Variants in ZNF385D observed in about 807,000 individuals in gnomAD.
The protein encoded by ZNF385D is zinc finger protein 659.
ZNF385D carries 15 observed loss-of-function variants against 35.8 expected under a neutral mutation model. That is an observed-to-expected ratio of 0.42 (90% CI 0.28 to 0.64). ZNF385D has a LOEUF of 0.64. ZNF385D is among the 30% of genes least tolerant of loss of function. The probability of loss-of-function intolerance (pLI) is 0.23; values close to 1 mark genes in which losing one functional copy is unlikely to be tolerated. For synonymous variants in ZNF385D, 212 were observed against 186.8 expected (o/e 1.13, Z -1.10); for missense variants, 474 against 494.6 (o/e 0.96, Z 0.39).
chr3:21,968,907 C>G (rs1305420283), intron 3 of ZNF385D, among the ~76,000 whole-genome samples: 1 of 152,160 alleles, frequency 6.6e-6, no homozygotes, highest in Non-Finnish European at 1.5e-5. Flanking sequence ...TGTGGAGTAC[C>G]AAGTGTTTAC....
At position 22,286,801 on chromosome 3, in the gene ZNF385D, T is replaced by C. The variant is rs561780298; in HGVS notation, c.106+85649A>G. ...ACTTGTTTTGTGGCTTAACATATGATCTTTTCTGAAGAATCATCCACGTGC... is the reference window on the plus strand; with the variant it reads ...ACTTGTTTTGTGGCTTAACATATGACCTTTTCTGAAGAATCATCCACGTGC... On this transcript the variant is annotated intron_variant, in intron 2 of 5. Transcript: ENST00000494108. Among the ~76,000 whole-genome samples, 6 of 152,248 alleles carry C rather than the reference T, an allele frequency of 3.9e-5. No homozygotes were observed. The East Asian group carries it at 1.2e-3, about 29-fold the overall frequency.
In ZNF385D at chr3:21,796,673, A is replaced by T. The variant is rs181285997; in HGVS notation, c.326-131645T>A. Among the ~76,000 whole-genome samples, 214 of 152,368 alleles carry T rather than the reference A, an allele frequency of 1.4e-3. 1 individual carries two copies. The highest frequency in any genetic ancestry group is 4.9e-3 in the African/African-American group (204 of 41,590). Reference sequence around the variant, plus strand: ...CAAAACTATAAAAATCATGGAAGGTAACACAGGAACACATCTACATGACAT... The same window carrying T: ...CAAAACTATAAAAATCATGGAAGGTTACACAGGAACACATCTACATGACAT... On this transcript the variant is annotated intron_variant, in intron 3 of 5. Transcript: ENST00000494108.
intron 1 of ZNF385D, among the ~76,000 whole-genome samples, chr3:21,674,785 C>T (rs2066673857): frequency 1.3e-5 from 2 of 151,976 alleles, no homozygotes; most frequent in Non-Finnish European, 2.9e-5. Flanking sequence ...TATCTGTCTC[C>T]CTATATGAGG....
chr3:22,234,899 T>A (rs1174815623), intron 2 of ZNF385D, among the ~76,000 whole-genome samples: 1 of 152,102 alleles, frequency 6.6e-6, no homozygotes, highest in Non-Finnish European at 1.5e-5. Context: ...AGTTCTTAAA[T>A]AATGTACTTA....
chr3:21,987,069 C>T (rs60243599), intron 3 of ZNF385D, among the ~76,000 whole-genome samples: 25,543 of 111,064 alleles, frequency 0.23, 3,281 homozygotes, highest in Non-Finnish European at 0.29. Flanking sequence ...TGTCTCTGCA[C>T]GTGAGATGGG....
intron 3 of ZNF385D, among the ~76,000 whole-genome samples, chr3:21,812,877 G>A (rs1484477605): frequency 6.6e-6 from 1 of 152,232 alleles, no homozygotes; most frequent in East Asian, 1.9e-4. Flanking sequence ...TGAGATCTGA[G>A]AATGGACAGA....
rs139778594 is a variant in ZNF385D, at chr3:21,802,040, G to A, written c.326-137012C>T. Among the ~76,000 whole-genome samples, 586 of 152,118 alleles carry A rather than the reference G, an allele frequency of 3.9e-3. 8 individuals carry two copies. Among genetic ancestry groups the A allele is most frequent in the African/African-American group, 0.013 (523 of 41,510 alleles). ...ACAGTTTTCAACTTTTATAGGAGACGGGGCAGATTTCTTAAACTACATCTC... is the reference window on the plus strand; with the variant it reads ...ACAGTTTTCAACTTTTATAGGAGACAGGGCAGATTTCTTAAACTACATCTC... On this transcript the variant is annotated intron_variant, in intron 3 of 5. Coordinates refer to the ZNF385D transcript ENST00000494108.
chr3:21,850,799 G>C (rs1039328605), intron 3 of ZNF385D, among the ~76,000 whole-genome samples: 9 of 152,028 alleles, frequency 5.9e-5, no homozygotes, highest in African/African-American at 2.2e-4. Context: ...CTTAGGTAAA[G>C]GCTATACTAT....
chr3:22,264,928 C>T (rs1700820607), intron 2 of ZNF385D, among the ~76,000 whole-genome samples: 1 of 151,946 alleles, frequency 6.6e-6, no homozygotes, highest in Non-Finnish European at 1.5e-5. Context: ...GCCCTCTAAT[C>T]TGGGTTCTGT....
chr3:21,654,660 A>T (rs1324498275), intron 2 of ZNF385D, among the ~76,000 whole-genome samples: 1 of 152,112 alleles, frequency 6.6e-6, no homozygotes, highest in Admixed American at 6.6e-5. Flanking sequence ...TTTATAAAAT[A>T]CAATAAAAAT....
intron 3 of ZNF385D, among the ~76,000 whole-genome samples, chr3:21,548,409 G>A (rs1216920895): frequency 6.6e-6 from 1 of 152,040 alleles, no homozygotes; most frequent in African/African-American, 2.4e-5. Context: ...CATTTTCTGG[G>A]AACCCATGGA....
At chr3:21,670,908 T>C (rs2066557940) in intron 1 of ZNF385D, among the ~76,000 whole-genome samples, 1 of 151,868 alleles carries the variant, frequency 6.6e-6, no homozygotes, top group South Asian at 2.1e-4. Flanking sequence ...TCCTTGTGGG[T>C]AAGAGACCAC....
At chr3:22,288,196 A>G (rs1012753307) in intron 2 of ZNF385D, among the ~76,000 whole-genome samples, 3 of 152,080 alleles carry the variant, frequency 2.0e-5, no homozygotes, top group African/African-American at 7.2e-5. Flanking sequence ...TCTAATTTTG[A>G]TAATTTAAAA....
intron 3 of ZNF385D, among the ~76,000 whole-genome samples, chr3:22,020,512 C>G (rs1697158934): frequency 2.0e-5 from 3 of 151,706 alleles, no homozygotes; most frequent in African/African-American, 7.3e-5. Context: ...AAACGGCCAA[C>G]AGGTATATGA....
chr3:22,338,416 A>G (rs1349856985), intron 2 of ZNF385D, among the ~76,000 whole-genome samples: 1 of 152,190 alleles, frequency 6.6e-6, no homozygotes, highest in East Asian at 1.9e-4. Context: ...CAGTTTAGTA[A>G]TTGAAGACCT....
At chr3:21,726,220 C>G (rs1420174727) in intron 1 of ZNF385D, among the ~76,000 whole-genome samples, 1 of 152,168 alleles carries the variant, frequency 6.6e-6, no homozygotes, top group Non-Finnish European at 1.5e-5. Context: ...CAGCCAATAT[C>G]ATACCGAATG....
At chr3:22,147,280 T>C (rs938087094) in intron 3 of ZNF385D, among the ~76,000 whole-genome samples, 1 of 152,190 alleles carries the variant, frequency 6.6e-6, no homozygotes, top group Non-Finnish European at 1.5e-5. Flanking sequence ...ATGTCTCTCC[T>C]ACTTTTATAG....
chr3:22,127,415 A>G (rs1020406959), intron 3 of ZNF385D, among the ~76,000 whole-genome samples: 1 of 131,270 alleles, frequency 7.6e-6, no homozygotes, highest in Non-Finnish European at 1.5e-5. Context: ...TCTTGGTTCA[A>G]TGAAACCTCT....
At chr3:21,449,169 T>A (rs17008810) in intron 4 of ZNF385D, among the ~76,000 whole-genome samples, 1,687 of 152,164 alleles carry the variant, frequency 0.011, 84 homozygotes, top group Admixed American at 0.084. Context: ...GGCAGAGTTA[T>A]ATTAATAAAG....
Sources: gnomAD v4.1 joint callset for allele counts (sites outside exome capture counted in the v4.1 genomes callset) on GRCh38, gnomAD v4.1.1 for gene constraint, MANE v1.5 for transcripts, NCBI Gene and HGNC (gene_info 2026-07-23, HGNC 2026-07-21) for gene names.